The following XKR9 variants were observed in gnomAD, a reference collection of about 807,000 sequenced individuals.
XKR9 encodes XK-related protein 9.
Under a neutral mutation model 32.0 loss-of-function variants are expected in XKR9, and 32 were observed. The observed-to-expected ratio is 1.00, with a 90% CI of 0.76 to 1.34. The LOEUF (loss-of-function observed/expected upper bound fraction) is 1.34, where lower values mean the gene tolerates loss of function less well. Ranked by LOEUF, XKR9 falls within the 40% of genes most tolerant of loss-of-function variation. The probability of loss-of-function intolerance (pLI) is 0.00; values close to 1 mark genes in which losing one functional copy is unlikely to be tolerated. For synonymous variants in XKR9, 168 were observed against 143.4 expected (o/e 1.17, Z -1.22); for missense variants, 546 against 429.7 (o/e 1.27, Z -2.39).
the XKR9 span, among the ~76,000 whole-genome samples, chr8:70,882,253 A>C: frequency 6.6e-6 from 1 of 152,132 alleles, no homozygotes. Flanking sequence ...TAGAACTTAA[A>C]GTATAATAAT....
chr8:70,848,117 C>T, the XKR9 span, among the ~76,000 whole-genome samples: 5 of 152,104 alleles, frequency 3.3e-5, no homozygotes, highest in East Asian at 9.7e-4. Flanking sequence ...AGATCATTCA[C>T]CATGATCAAG....
At chr8:70,993,506 C>T in the XKR9 span, among the ~76,000 whole-genome samples, 5 of 152,138 alleles carry the variant, frequency 3.3e-5, no homozygotes, top group East Asian at 9.6e-4. Context: ...TAGCTGTCTT[C>T]AGCCAAGGAA....
intron 2 of XKR9, among the ~76,000 whole-genome samples, chr8:70,788,674 C>T (rs1418367952): frequency 6.6e-6 from 1 of 152,044 alleles, no homozygotes; most frequent in East Asian, 1.9e-4. Context: ...TTCAATTTAG[C>T]TTATGTATAT....
chr8:70,851,961 C>A, the XKR9 span, among the ~76,000 whole-genome samples: 1 of 152,154 alleles, frequency 6.6e-6, no homozygotes, highest in Non-Finnish European at 1.5e-5. Flanking sequence ...AGAGCTTCTG[C>A]ACAGCAAAAG....
chr8:70,829,848 A>G, the XKR9 span, among the ~76,000 whole-genome samples: 4 of 152,148 alleles, frequency 2.6e-5, no homozygotes, highest in African/African-American at 7.2e-5. Flanking sequence ...GCCATTTTGA[A>G]TCTTTTCTAA....
At chr8:70,985,107 G>T in the XKR9 span, among the ~76,000 whole-genome samples, 1 of 152,056 alleles carries the variant, frequency 6.6e-6, no homozygotes, top group African/African-American at 2.4e-5. Context: ...TTTTTACAAA[G>T]CAAAATGATA....
the XKR9 span, among the ~76,000 whole-genome samples, chr8:70,871,338 A>G: frequency 1.3e-5 from 2 of 152,076 alleles, no homozygotes; most frequent in African/African-American, 4.8e-5. Flanking sequence ...ATTGTATTGC[A>G]CTTTGCAGAT....
chr8:70,935,000 A>T, the XKR9 span, among the ~76,000 whole-genome samples: 1,690 of 151,294 alleles, frequency 0.011, 13 homozygotes, highest in Middle Eastern at 0.055. Flanking sequence ...ATGTGTTTGG[A>T]TTTTATAAAA....
At chr8:71,014,167 G>A in the XKR9 span, among the ~76,000 whole-genome samples, 1 of 152,172 alleles carries the variant, frequency 6.6e-6, no homozygotes, top group East Asian at 1.9e-4. Flanking sequence ...GGGGCTTAAT[G>A]AGAGCCTTTC....
chr8:70,744,757 C>CTGT (rs1554553503), intron 2 of XKR9, among the ~76,000 whole-genome samples: 56 of 150,952 alleles, frequency 3.7e-4, no homozygotes, highest in Admixed American at 5.3e-4. Context: ...AGGTGTGCAC[C>CTGT]ACCACGCCTG....
chr8:70,937,632 T>C, the XKR9 span, among the ~76,000 whole-genome samples: 11 of 152,134 alleles, frequency 7.2e-5, no homozygotes, highest in African/African-American at 1.9e-4. Context: ...AACTGCCTCA[T>C]TGGAGATTTC....
chr8:70,735,885 C>G lies in XKR9; in HGVS notation c.*1461C>G, dbSNP rs938819865. ...TTGTTGTTGGACATTTGGGTTGGTT[C>G]CAAGTCTTTGCTATTGTGAATAGTG... On this transcript the variant is annotated 3_prime_UTR_variant, in exon 5 of 5. Coordinates refer to ENST00000408926, the MANE Select transcript of XKR9 (RefSeq NM_001011720.2). 6.6e-6 allele frequency: 1 copy of G among 151,802 alleles called. No individual in the cohort carries two copies. Among genetic ancestry groups the G allele is most frequent in the East Asian group, 1.9e-4 (1 of 5,186 alleles). 9.4% of individuals were successfully genotyped at this position (151,802 alleles called of 1,614,324 possible). A position where few individuals can be genotyped will look rare whatever the true frequency, so the allele number is the denominator to read the frequency against.
At chr8:70,868,340 T>C in the XKR9 span, among the ~76,000 whole-genome samples, 1 of 152,038 alleles carries the variant, frequency 6.6e-6, no homozygotes, top group Non-Finnish European at 1.5e-5. Flanking sequence ...GCCCCACTCC[T>C]GCAACAAACT....
At chr8:70,921,198 G>A in the XKR9 span, among the ~76,000 whole-genome samples, 2 of 152,226 alleles carry the variant, frequency 1.3e-5, no homozygotes, top group East Asian at 3.8e-4. Context: ...CGAGTGCTGA[G>A]ATGGCTCCTT....
intron 3 of XKR9, among the ~76,000 whole-genome samples, chr8:70,688,285 A>G (rs1819378139): frequency 6.6e-6 from 1 of 152,216 alleles, no homozygotes; most frequent in Non-Finnish European, 1.5e-5. Context: ...TGATGTGACA[A>G]AATATGGGTT....
intron 2 of XKR9, among the ~76,000 whole-genome samples, chr8:70,777,038 A>T (rs1807535494): frequency 1.3e-5 from 2 of 150,318 alleles, no homozygotes; most frequent in Admixed American, 1.3e-4. Context: ...TACATGTGCC[A>T]TGTTGGTTTG....
chr8:71,017,980 G>A, the XKR9 span, among the ~76,000 whole-genome samples: 1 of 152,140 alleles, frequency 6.6e-6, no homozygotes, highest in African/African-American at 2.4e-5. Flanking sequence ...TCAGAAGTTG[G>A]TAGTATCTGT....
the XKR9 span, among the ~76,000 whole-genome samples, chr8:70,921,554 A>G: frequency 6.6e-6 from 1 of 152,200 alleles, no homozygotes; most frequent in Non-Finnish European, 1.5e-5. Context: ...TTTTATTTAT[A>G]GAAGATTTAG....
the XKR9 span, among the ~76,000 whole-genome samples, chr8:70,897,546 AT>A: frequency 3.9e-5 from 6 of 152,014 alleles, no homozygotes; most frequent in Admixed American, 3.9e-4. Flanking sequence ...AGCATTTATT[AT>A]TTTGCCTGTC....
Sources: gnomAD v4.1 joint callset for allele counts (sites outside exome capture counted in the v4.1 genomes callset) on GRCh38, gnomAD v4.1.1 for gene constraint, MANE v1.5 for transcripts, NCBI Gene and HGNC (gene_info 2026-07-23, HGNC 2026-07-21) for gene names.